The following STX12 variants were observed in gnomAD, a reference collection of about 807,000 sequenced individuals.
STX12 encodes syntaxin 12.
STX12 carries 17 observed loss-of-function variants against 42.2 expected under a neutral mutation model. The observed-to-expected ratio is 0.40, with a 90% CI of 0.28 to 0.60. The LOEUF is 0.60. Ranked by LOEUF, STX12 falls within the 20% of genes least tolerant of loss-of-function variation. The pLI is 0.39. For synonymous variants in STX12, 108 were observed against 116.7 expected (o/e 0.93, Z 0.48); for missense variants, 297 against 330.9 (o/e 0.90, Z 0.79).
chr1:27,781,048 AT>A (rs950055235), intron 1 of STX12, among the ~76,000 whole-genome samples: 14 of 151,816 alleles, frequency 9.2e-5, no homozygotes, highest in African/African-American at 3.4e-4. Context: ...CATTATTATT[AT>A]TTTTATTATT....
intron 6 of STX12, among the ~76,000 whole-genome samples, chr1:27,816,206 T>C (rs2088940036): frequency 6.6e-6 from 1 of 151,868 alleles, no homozygotes; most frequent in South Asian, 2.1e-4. Flanking sequence ...CCCAGGTACC[T>C]GGGAGGCTGA....
chr1:27,811,608 A>T (rs1571531160), intron 5 of STX12, among the ~76,000 whole-genome samples: 3 of 151,528 alleles, frequency 2.0e-5, no homozygotes, highest in African/African-American at 4.8e-5. Flanking sequence ...AAGTGCTAGG[A>T]TTACAGGCAT....
chr1:27,788,362 GT>G (rs746481000), intron 1 of STX12, among the ~76,000 whole-genome samples: 4 of 152,200 alleles, frequency 2.6e-5, no homozygotes, highest in African/African-American at 4.8e-5. Flanking sequence ...GCAGAAATCA[GT>G]AAGGGACAGG....
At chr1:27,804,895 G>A (rs1384746464) in intron 4 of STX12, among the ~76,000 whole-genome samples, 1 of 152,114 alleles carries the variant, frequency 6.6e-6, no homozygotes, top group African/African-American at 2.4e-5. Flanking sequence ...ATATAGGAAA[G>A]GGGTTTTGTT....
chr1:27,817,942 T>TTGAGG lies in STX12; in HGVS notation c.649+20_649+21insGAGGT. ...CTGATTGGTATGTATTATTGATACC[T>TTGAGG]TTAACCTCAAGGTGAGTTGATAGTA... On this transcript the variant is annotated intron_variant, in intron 7 of 8. Coordinates refer to ENST00000373943, the MANE Select transcript of STX12 (RefSeq NM_177424.3). 1 of 1,600,716 alleles carries TTGAGG rather than the reference T, an allele frequency of 6.2e-7. No individual in the cohort carries two copies. The highest frequency in any genetic ancestry group is 8.6e-7 in the Non-Finnish European group (1 of 1,168,264).
intron 7 of STX12, among the ~76,000 whole-genome samples, chr1:27,819,146 G>A (rs535570707): frequency 6.6e-6 from 1 of 151,782 alleles, no homozygotes; most frequent in South Asian, 2.1e-4. Context: ...ACATGCACCT[G>A]TAGTCCTAGC....
intron 4 of STX12, among the ~76,000 whole-genome samples, chr1:27,803,807 G>A (rs1036222146): frequency 5.9e-5 from 9 of 152,082 alleles, no homozygotes; most frequent in Non-Finnish European, 1.3e-4. Flanking sequence ...TTCAAGACCA[G>A]CCTGGCCAAC....
At chr1:27,806,452 GAGAC>G (rs1232378054) in intron 4 of STX12, among the ~76,000 whole-genome samples, 1 of 152,184 alleles carries the variant, frequency 6.6e-6, no homozygotes, top group Non-Finnish European at 1.5e-5. Context: ...GCTTTTCCTA[GAGAC>G]AGACATTGTA....
chr1:27,809,691 CT>C (rs1323147112), intron 4 of STX12, among the ~76,000 whole-genome samples: 4 of 151,986 alleles, frequency 2.6e-5, no homozygotes, highest in African/African-American at 9.7e-5. Context: ...AACTCCTGAC[CT>C]TGTGATCTGC....
At chr1:27,790,552 A>C (rs2088732962) in intron 2 of STX12, among the ~76,000 whole-genome samples, 1 of 152,222 alleles carries the variant, frequency 6.6e-6, no homozygotes. Flanking sequence ...TCCTCCTGTG[A>C]GACAGAAAAT....
At chr1:27,812,818 G>A (rs150519617) in intron 6 of STX12, among the ~76,000 whole-genome samples, 2,317 of 152,146 alleles carry the variant, frequency 0.015, 34 homozygotes, top group Non-Finnish European at 0.025. Flanking sequence ...CATCTTATAC[G>A]GATCACCACA....
rs575227551 is a variant in STX12 at position 27,810,095 on chromosome 1, T to C, written c.427-151T>C. On this transcript the variant is annotated intron_variant, in intron 4 of 8. Coordinates refer to ENST00000373943, the MANE Select transcript of STX12 (RefSeq NM_177424.3). ...AACCACTTTACACCCACTTCTTAGT[T>C]GAGACAGATTGCCAGAGTCCTATGT... is the stretch of plus-strand genomic sequence containing the variant. 1.4e-4 allele frequency: 90 copies of C among 654,732 alleles called. 1 individual carries two copies. The African/African-American group carries it at 1.5e-3, about 11-fold the overall frequency. 40.6% of individuals were successfully genotyped at this position (654,732 alleles called of 1,614,324 possible). A position where few individuals can be genotyped will look rare whatever the true frequency, so the allele number is the denominator to read the frequency against.
intron 3 of STX12, among the ~76,000 whole-genome samples, chr1:27,795,320 A>G (rs552764590): frequency 6.7e-6 from 1 of 148,614 alleles, no homozygotes; most frequent in African/African-American, 2.5e-5. Context: ...TTTTTTTTTA[A>G]TTTGAGACAG....
At chr1:27,800,616 C>T (rs897596448) in intron 3 of STX12, among the ~76,000 whole-genome samples, 1 of 151,758 alleles carries the variant, frequency 6.6e-6, no homozygotes, top group Non-Finnish European at 1.5e-5. Flanking sequence ...GCAGCCTCAA[C>T]CTTCCAGGGT....
chr1:27,801,066 C>T (rs1427114470), intron 3 of STX12, among the ~76,000 whole-genome samples: 1 of 152,116 alleles, frequency 6.6e-6, no homozygotes, highest in Non-Finnish European at 1.5e-5. Flanking sequence ...CTCCAGGGCA[C>T]CAAAATTCTG....
chr1:27,783,617 G>C (rs1337884965), intron 1 of STX12, among the ~76,000 whole-genome samples: 1 of 152,114 alleles, frequency 6.6e-6, no homozygotes, highest in African/African-American at 2.4e-5. Context: ...TTACAGGTGT[G>C]AGCCACCACG....
intron 4 of STX12, 100 bp from the exon 5 acceptor site, chr1:27,810,146 A>G: frequency 2.8e-6 from 3 of 1,053,132 alleles, no homozygotes; most frequent in African/African-American, 1.6e-5. Flanking sequence ...GTGGGTGTCA[A>G]AGGATGTTGC....
chr1:27,812,363 G>T (rs925996462), intron 6 of STX12, 95 bp downstream of exon 6: 2 of 896,114 alleles, frequency 2.2e-6, no homozygotes, highest in Non-Finnish European at 3.5e-6. Context: ...TTATGAAAAG[G>T]CATAAAATGT....
intron 1 of STX12, among the ~76,000 whole-genome samples, chr1:27,779,802 A>G (rs1244247323): frequency 7.0e-6 from 1 of 143,858 alleles, no homozygotes; most frequent in Non-Finnish European, 1.5e-5. Context: ...TTTTTTTTTT[A>G]GAGAAAGAGA....
Sources: allele counts gnomAD v4.1 joint callset (sites outside exome capture counted in the v4.1 genomes callset), GRCh38; gene constraint gnomAD v4.1.1; transcripts MANE v1.5; gene names NCBI Gene and HGNC (gene_info 2026-07-23, HGNC 2026-07-21).